Variants in HDAC9 observed in about 807,000 individuals in gnomAD.
HDAC9 encodes MEF-2 interacting transcription repressor (MITR) protein.
HDAC9 carries 41 observed loss-of-function variants against 139.4 expected under a neutral mutation model. That is an observed-to-expected ratio of 0.29 (90% CI 0.23 to 0.38). The LOEUF (loss-of-function observed/expected upper bound fraction) is 0.38, where lower values mean the gene tolerates loss of function less well. HDAC9 is among the 10% of genes least tolerant of loss of function. HDAC9 has a pLI of 1.00. For missense variants in HDAC9, 1,147 were observed against 1,297.0 expected (o/e 0.88, Z 1.78); for synonymous variants, 517 against 476.2 (o/e 1.09, Z -1.12).
intron 14 of HDAC9, among the ~76,000 whole-genome samples, chr7:18,755,644 G>T (rs903290398): frequency 1.3e-5 from 2 of 152,106 alleles, no homozygotes; most frequent in African/African-American, 4.8e-5. Flanking sequence ...TTAGACTAAG[G>T]GATAACATTT....
intron 12 of HDAC9, among the ~76,000 whole-genome samples, chr7:18,726,408 C>A (rs1785550768): frequency 6.6e-6 from 1 of 152,120 alleles, no homozygotes; most frequent in African/African-American, 2.4e-5. Flanking sequence ...GTAATGTCTG[C>A]CTCAAGTCTT....
intron 1 of HDAC9, among the ~76,000 whole-genome samples, chr7:18,330,290 G>C (rs1800815972): frequency 6.6e-6 from 1 of 151,470 alleles, no homozygotes. Context: ...TGGTATTTCA[G>C]ACACTTAGAT....
chr7:18,867,957 G>A (rs778574226), intron 21 of HDAC9, among the ~76,000 whole-genome samples: 1 of 151,954 alleles, frequency 6.6e-6, no homozygotes, highest in Admixed American at 6.6e-5. Context: ...TTATCTTTAA[G>A]TACTTCCCTT....
chr7:18,756,541 C>T (rs1788893276), intron 14 of HDAC9, among the ~76,000 whole-genome samples: 1 of 152,200 alleles, frequency 6.6e-6, no homozygotes, highest in South Asian at 2.1e-4. Context: ...TATTTGCTTG[C>T]CTAAGGCAAA....
chr7:18,918,598 C>T (rs1418556908), intron 22 of HDAC9, among the ~76,000 whole-genome samples: 7 of 151,944 alleles, frequency 4.6e-5, no homozygotes, highest in African/African-American at 1.7e-4. Flanking sequence ...GTCTTACTAC[C>T]TTTTCACACT....
chr7:18,926,234 G>A (rs879727941), intron 22 of HDAC9, among the ~76,000 whole-genome samples: 2 of 152,056 alleles, frequency 1.3e-5, no homozygotes, highest in Non-Finnish European at 2.9e-5. Flanking sequence ...TGTAATCCAA[G>A]CTAGTCAGTA....
upstream of HDAC9, among the ~76,000 whole-genome samples, chr7:18,289,776 C>T (rs1306081678): frequency 6.6e-6 from 1 of 152,106 alleles, no homozygotes; most frequent in Non-Finnish European, 1.5e-5. Flanking sequence ...TCATTAAAAT[C>T]GGTCTCAGCC....
At chr7:18,126,874 G>C (rs1637635) in intron 1 of HDAC9, among the ~76,000 whole-genome samples, 6 of 151,970 alleles carry the variant, frequency 3.9e-5, no homozygotes, top group African/African-American at 1.5e-4. Flanking sequence ...TATATTGTCC[G>C]CATTCAAGGA....
At chr7:18,390,510 C>G (rs1346208683) in intron 1 of HDAC9, among the ~76,000 whole-genome samples, 2 of 152,132 alleles carry the variant, frequency 1.3e-5, no homozygotes, top group Non-Finnish European at 2.9e-5. Flanking sequence ...GCATGTCATT[C>G]TTGAGTTCTG....
chr7:18,325,025 T>C lies in HDAC9; in HGVS notation c.-42+34510T>C, dbSNP rs149077557. ...GCTGTAAACCATAGAGCTTATTGAA[T>C]ATCTAAGCAGAGAGCTACATCTGTT... On this transcript the variant is annotated intron_variant, in intron 1 of 3. Transcript: ENST00000413509. Among the ~76,000 whole-genome samples the C allele has an allele frequency of 1.4e-4, 21 of 152,206 alleles. No individual in the cohort carries two copies. The East Asian group carries it at 3.7e-3, about 27-fold the overall frequency.
chr7:18,173,261 C>G (rs1289613134), intron 2 of HDAC9, among the ~76,000 whole-genome samples: 1 of 152,166 alleles, frequency 6.6e-6, no homozygotes, highest in Non-Finnish European at 1.5e-5. Context: ...TTATCAGAGA[C>G]TAGGATTGCA....
intron 2 of HDAC9, among the ~76,000 whole-genome samples, chr7:18,221,440 C>T (rs1792699139): frequency 2.0e-5 from 3 of 152,120 alleles, no homozygotes; most frequent in African/African-American, 4.8e-5. Context: ...ATCCTGGCTA[C>T]AGACCTGCTG....
At chr7:18,649,947 T>C (rs1310021395) in intron 11 of HDAC9, among the ~76,000 whole-genome samples, 2 of 152,132 alleles carry the variant, frequency 1.3e-5, no homozygotes, top group Admixed American at 6.6e-5. Context: ...TTGCAGACCC[T>C]TTCTGTGTCA....
intron 22 of HDAC9, among the ~76,000 whole-genome samples, 173 bp from the exon 23 acceptor site, chr7:18,935,636 A>G (rs56297225): frequency 0.031 from 4,796 of 152,284 alleles, 98 homozygotes; most frequent in Middle Eastern, 0.058. Flanking sequence ...CCTTATCTGT[A>G]AAATAGAGAT....
intron 12 of HDAC9, among the ~76,000 whole-genome samples, chr7:18,686,190 T>A (rs1008076892): frequency 2.6e-5 from 4 of 152,000 alleles, no homozygotes; most frequent in Admixed American, 2.6e-4. Context: ...AACTATTCAA[T>A]GTAACTTCAA....
intron 1 of HDAC9, among the ~76,000 whole-genome samples, chr7:18,303,414 T>A (rs1220559755): frequency 7.5e-6 from 1 of 132,522 alleles, no homozygotes; most frequent in African/African-American, 3.5e-5. Context: ...TGTGTGTGTG[T>A]GTGTGTGTGT....
At chr7:18,874,194 A>T (rs180970227) in intron 21 of HDAC9, among the ~76,000 whole-genome samples, 25 of 151,060 alleles carry the variant, frequency 1.7e-4, no homozygotes, top group Admixed American at 1.4e-3. Flanking sequence ...CCACAGACGT[A>T]TGTGTAATAT....
intron 1 of HDAC9, among the ~76,000 whole-genome samples, chr7:18,373,546 A>G (rs1784753779): frequency 6.6e-6 from 1 of 152,172 alleles, no homozygotes; most frequent in Non-Finnish European, 1.5e-5. Context: ...ATCCTGATGA[A>G]CTTTCTTTTT....
At chr7:18,584,908 G>C (rs1828991661) in intron 2 of HDAC9, among the ~76,000 whole-genome samples, 1 of 147,136 alleles carries the variant, frequency 6.8e-6, no homozygotes, top group Non-Finnish European at 1.5e-5. Flanking sequence ...CTCTCTTAGG[G>C]CATCTTTTCC....
Sources: allele counts gnomAD v4.1 joint callset (sites outside exome capture counted in the v4.1 genomes callset), GRCh38; gene constraint gnomAD v4.1.1; transcripts MANE v1.5; gene names NCBI Gene and HGNC (gene_info 2026-07-23, HGNC 2026-07-21).